The following CPA6 variants were observed in gnomAD, a reference collection of about 807,000 sequenced individuals.
The protein encoded by CPA6 is carboxypeptidase B.
A neutral mutation model predicts 63.3 loss-of-function variants in CPA6; 58 were observed. The observed-to-expected ratio is 0.92, with a 90% confidence interval of 0.74 to 1.14. The LOEUF (loss-of-function observed/expected upper bound fraction) is 1.14, where lower values mean the gene tolerates loss of function less well. Ranked by LOEUF, CPA6 falls within the 50% of genes most tolerant of loss-of-function variation. The pLI is 0.00. For missense variants in CPA6, 565 were observed against 526.6 expected, an observed-to-expected ratio of 1.07 and a Z score of -0.71; for synonymous variants, 185 against 179.0, an observed-to-expected ratio of 1.03 and a Z score of -0.27.
intron 8 of CPA6, among the ~76,000 whole-genome samples, chr8:67,446,443 T>C (rs1563956193): frequency 6.6e-6 from 1 of 152,118 alleles, no homozygotes; most frequent in African/African-American, 2.4e-5. Context: ...TTTTTCAATG[T>C]TTTATTTCTG....
intron 2 of CPA6, among the ~76,000 whole-genome samples, chr8:67,621,964 T>C (rs188820617): frequency 1.3e-5 from 2 of 152,362 alleles, no homozygotes; most frequent in East Asian, 3.9e-4. Context: ...ATTTACAGTC[T>C]AGAGCTTTGA....
chr8:67,507,843 A>G (rs1169569618), intron 5 of CPA6, among the ~76,000 whole-genome samples: 2 of 152,148 alleles, frequency 1.3e-5, no homozygotes, highest in African/African-American at 4.8e-5. Flanking sequence ...GACAAGTTGG[A>G]GGAAGGCCTC....
intron 8 of CPA6, among the ~76,000 whole-genome samples, chr8:67,459,234 A>G (rs1177852863): frequency 1.3e-5 from 2 of 152,144 alleles, no homozygotes; most frequent in African/African-American, 4.8e-5. Flanking sequence ...CACATTGTTC[A>G]GGCTGGTCTG....
chr8:67,700,879 G>T (rs1817009959), intron 1 of CPA6, among the ~76,000 whole-genome samples: 1 of 152,022 alleles, frequency 6.6e-6, no homozygotes, highest in Non-Finnish European at 1.5e-5. Flanking sequence ...CTCAATCATT[G>T]ATTTTTAATG....
At chr8:67,637,348 C>T (rs760414046) in intron 1 of CPA6, among the ~76,000 whole-genome samples, 5 of 151,512 alleles carry the variant, frequency 3.3e-5, no homozygotes, top group Non-Finnish European at 2.9e-5. Context: ...CTCCCATTAG[C>T]ATAAATCAGA....
chr8:67,720,607 GA>G (rs200162688), intron 1 of CPA6, among the ~76,000 whole-genome samples: 1,625 of 152,334 alleles, frequency 0.011, 32 homozygotes, highest in African/African-American at 0.032. Context: ...GAAGTGGTCA[GA>G]AAACTGCGAG....
At chr8:67,451,845 C>G (rs1177880207) in intron 8 of CPA6, among the ~76,000 whole-genome samples, 1 of 152,188 alleles carries the variant, frequency 6.6e-6, no homozygotes, top group Admixed American at 6.5e-5. Context: ...TCTTGAATAA[C>G]TTAAAATCTG....
intron 8 of CPA6, among the ~76,000 whole-genome samples, chr8:67,475,942 TTCTCTG>T (rs1450243605): frequency 1.6e-4 from 22 of 135,308 alleles, no homozygotes; most frequent in African/African-American, 5.8e-4. Context: ...TTCTCTTTCT[TTCTCTG>T]TCTTTCTTTC....
At chr8:67,595,241 G>T (rs1814292451) in intron 2 of CPA6, among the ~76,000 whole-genome samples, 2 of 152,204 alleles carry the variant, frequency 1.3e-5, no homozygotes, top group Admixed American at 1.3e-4. Context: ...TCCTCTGGAA[G>T]TTTTGTCTCA....
At chr8:67,654,545 T>C (rs1815936664) in intron 1 of CPA6, among the ~76,000 whole-genome samples, 1 of 152,192 alleles carries the variant, frequency 6.6e-6, no homozygotes, top group Non-Finnish European at 1.5e-5. Context: ...GTGTTTGTAG[T>C]ATTCTCTGAT....
chr8:67,447,055 C>T (rs906655541), intron 8 of CPA6, among the ~76,000 whole-genome samples: 3 of 140,816 alleles, frequency 2.1e-5, no homozygotes, highest in Non-Finnish European at 3.1e-5. Flanking sequence ...TATACACACA[C>T]ATATATATAC....
chr8:67,727,451 A>G (rs1212854784), intron 1 of CPA6, among the ~76,000 whole-genome samples: 1 of 151,748 alleles, frequency 6.6e-6, no homozygotes, highest in Non-Finnish European at 1.5e-5. Flanking sequence ...GCCCCCCTTA[A>G]CCCCCACAGG....
At chr8:67,587,688 G>A (rs1813983444) in intron 2 of CPA6, among the ~76,000 whole-genome samples, 2 of 152,128 alleles carry the variant, frequency 1.3e-5, no homozygotes, top group African/African-American at 4.8e-5. Context: ...GTTAGTGGTC[G>A]GGGCTGGGTT....
intron 8 of CPA6, among the ~76,000 whole-genome samples, chr8:67,436,446 AAAG>A (rs1810158317): frequency 6.6e-6 from 1 of 151,750 alleles, no homozygotes. Context: ...GACCAAAAAA[AAAG>A]AAAGAAAAGG....
chr8:67,595,932 CCAGTACCT>C (rs1272754669), intron 2 of CPA6, among the ~76,000 whole-genome samples: 1 of 152,214 alleles, frequency 6.6e-6, no homozygotes, highest in Admixed American at 6.5e-5. Context: ...TGAGATGAAC[CCAGTACCT>C]CAGATGGAAA....
intron 6 of CPA6, among the ~76,000 whole-genome samples, chr8:67,499,052 A>C (rs909768414): frequency 5.9e-5 from 9 of 152,370 alleles, no homozygotes; most frequent in Middle Eastern, 6.8e-3. Flanking sequence ...AAATAATAAA[A>C]TAATGAAGCC....
intron 8 of CPA6, among the ~76,000 whole-genome samples, chr8:67,440,319 C>T (rs1188366452): frequency 6.6e-6 from 1 of 152,072 alleles, no homozygotes; most frequent in Non-Finnish European, 1.5e-5. Flanking sequence ...ACCTGTAATC[C>T]CAACACTTTG....
chr8:67,714,813 A>G (rs1398453294), intron 1 of CPA6, among the ~76,000 whole-genome samples: 1 of 152,210 alleles, frequency 6.6e-6, no homozygotes. Context: ...AATTAGAGAC[A>G]AGTATGATAA....
At position 67,532,729 on chromosome 8, in the gene CPA6, A is replaced by C. The variant is rs144326876; in HGVS notation, c.193-14682T>G. ...AGGAATAATTTCCTAGGAAAACATA[A>C]TTTACCAAAATATAACCTACAAAGT... On this transcript the variant is annotated intron_variant, in intron 2 of 10. Coordinates refer to ENST00000297770, the MANE Select transcript of CPA6 (RefSeq NM_020361.5). 2.7e-3 allele frequency among the ~76,000 whole-genome samples: 418 copies of C among 152,248 alleles called. 4 individuals carry two copies. Among genetic ancestry groups the C allele is most frequent in the African/African-American group, 9.2e-3 (384 of 41,542 alleles).
Sources: allele counts gnomAD v4.1 joint callset (sites outside exome capture counted in the v4.1 genomes callset), GRCh38; gene constraint gnomAD v4.1.1; transcripts MANE v1.5; gene names NCBI Gene and HGNC (gene_info 2026-07-23, HGNC 2026-07-21).